The following FER1L6 variants were observed in gnomAD, a reference collection of about 807,000 sequenced individuals.
FER1L6 encodes fer-1 like family member 6.
FER1L6 carries 177 observed loss-of-function variants against 219.2 expected under a neutral mutation model. The observed-to-expected ratio is 0.81, with a 90% confidence interval of 0.71 to 0.91. FER1L6 has a LOEUF of 0.91. Ranked by LOEUF, FER1L6 falls within the 40% of genes least tolerant of loss-of-function variation. FER1L6 has a pLI of 0.00. For synonymous variants in FER1L6, 768 were observed against 824.3 expected (o/e 0.93, Z 1.17); for missense variants, 2,153 against 2,259.9 (o/e 0.95, Z 0.96).
chr8:124,071,470 C>T (rs972604556), intron 30 of FER1L6, 36 bp from the exon 31 acceptor site: 1 of 1,612,012 alleles, frequency 6.2e-7, no homozygotes, highest in Non-Finnish European at 8.5e-7. Context: ...GACATATGAC[C>T]ATCTCATTTC....
chr8:123,969,664 C>A (rs1815705781), intron 5 of FER1L6, among the ~76,000 whole-genome samples: 1 of 151,752 alleles, frequency 6.6e-6, no homozygotes, highest in South Asian at 2.1e-4. Context: ...CATTTGAGAC[C>A]AGCCTGGGCA....
chr8:124,101,760 G>C (rs1822557232), intron 38 of FER1L6, among the ~76,000 whole-genome samples: 1 of 152,218 alleles, frequency 6.6e-6, no homozygotes, highest in South Asian at 2.1e-4. Flanking sequence ...TCTCAATTTA[G>C]AAGTTTATTT....
intron 1 of FER1L6, among the ~76,000 whole-genome samples, chr8:123,950,800 G>A (rs778323068): frequency 3.3e-5 from 5 of 152,138 alleles, no homozygotes; most frequent in South Asian, 4.2e-4. Flanking sequence ...ACTGCCTCCC[G>A]TGAGACTGGG....
chr8:124,017,699 C>A lies in FER1L6; in HGVS notation c.1994C>A (p.Thr665Lys), dbSNP rs367553708. The stretch of plus-strand genomic sequence containing the variant: ...ACCACTTTAGATAAGAAGCGACTTA[C>A]GCTCTGCTGGCAGGAGCTGGTATGT... ...NQTTLDKKRLTLCWQELEAMC... is the reference protein window; with the variant it reads ...NQTTLDKKRLKLCWQELEAMC... Residue 665 changes from threonine to lysine, a missense_variant, in exon 16 of 41, where the codon ACG becomes AAG. Coordinates refer to ENST00000522917, the MANE Select transcript of FER1L6 (RefSeq NM_001039112.2). 3.1e-6 allele frequency: 5 copies of A among 1,613,338 alleles called. No homozygotes were observed. In the African/African-American group the frequency reaches 6.7e-5, roughly 22 times the overall value.
intron 22 of FER1L6, 78 bp downstream of exon 22, chr8:124,049,834 A>G: frequency 7.0e-7 from 1 of 1,432,784 alleles, no homozygotes; most frequent in Admixed American, 1.7e-5. Context: ...ATGCCACTTC[A>G]ATGAAGCTGT....
chr8:124,027,586 A>T (rs1326564944), intron 18 of FER1L6, among the ~76,000 whole-genome samples: 2 of 152,106 alleles, frequency 1.3e-5, no homozygotes, highest in African/African-American at 4.8e-5. Flanking sequence ...TAGAGACAGC[A>T]CCTTATTCTA....
At chr8:124,021,437 C>T in intron 16 of FER1L6, 113 bp from the exon 17 acceptor site, 3 of 1,437,450 alleles carry the variant, frequency 2.1e-6, no homozygotes, top group Non-Finnish European at 1.9e-6. Context: ...GAACAGTCCA[C>T]GTGAGTGACT....
At chr8:124,010,500 T>G (rs1817872492) in intron 13 of FER1L6, 94 bp from the exon 14 acceptor site, 5 of 1,467,144 alleles carry the variant, frequency 3.4e-6, no homozygotes, top group Non-Finnish European at 4.6e-6. Flanking sequence ...GCCTCCCGAG[T>G]CCTGCCCAGA....
At chr8:123,938,530 AT>A (rs1814093098) in intron 1 of FER1L6, among the ~76,000 whole-genome samples, 1 of 144,352 alleles carries the variant, frequency 6.9e-6, no homozygotes, top group Non-Finnish European at 1.5e-5. Context: ...AGCTTATACA[AT>A]TTACCTGAAA....
chr8:123,859,718 A>C (rs1586424392), intron 1 of FER1L6, among the ~76,000 whole-genome samples: 2 of 112,834 alleles, frequency 1.8e-5, no homozygotes, highest in East Asian at 2.6e-4. Flanking sequence ...CCACCCCACA[A>C]CAGTCCCCAG....
chr8:123,966,268 C>G lies in FER1L6; in HGVS notation c.362C>G (p.Thr121Ser). ...EKKQSTVKEG[T>S]NSPFYNEYFV... Reference sequence around the variant, plus strand: ...AAGCAAAGCACAGTGAAGGAAGGAACCAACAGCCCATTTTATAATGAAGTA... The same window carrying G: ...AAGCAAAGCACAGTGAAGGAAGGAAGCAACAGCCCATTTTATAATGAAGTA... Residue 121 changes from threonine (T) to serine (S), a missense_variant, in exon 5 of 41, where the codon ACC becomes AGC. Transcript: ENST00000522917. The G allele has an allele frequency of 6.2e-7, 1 of 1,614,100 alleles. No homozygotes were observed. The highest frequency in any genetic ancestry group is 8.5e-7 in the Non-Finnish European group (1 of 1,180,002).
Position 124,003,025 on chromosome 8 carries a change from G to A in FER1L6, c.1520-142G>A, listed in dbSNP as rs890029191. ...CTCATCATCATTGTCAGTCTTGTTG[G>A]TCTGATCATTGCTCTTTCTACCTTC... On this transcript the variant is annotated intron_variant, in intron 12 of 40. Coordinates refer to ENST00000522917, the MANE Select transcript of FER1L6 (RefSeq NM_001039112.2). 1.5e-5 allele frequency: 10 copies of A among 652,662 alleles called. No individual in the cohort carries two copies. The South Asian group carries it at 2.3e-4, about 15-fold the overall frequency. The allele number at this position is 652,662 out of a possible 1,614,324, so 40.4% of individuals were successfully genotyped here.
At chr8:124,066,833 C>T (rs1044340111) in intron 27 of FER1L6, among the ~76,000 whole-genome samples, 1 of 152,124 alleles carries the variant, frequency 6.6e-6, no homozygotes, top group African/African-American at 2.4e-5. Context: ...TCTGCCCCCA[C>T]AGCCAGACTC....
At chr8:123,886,000 T>C (rs546796502) in intron 1 of FER1L6, among the ~76,000 whole-genome samples, 1 of 152,362 alleles carries the variant, frequency 6.6e-6, no homozygotes, top group Non-Finnish European at 1.5e-5. Context: ...GGCTCTTACA[T>C]ACTTCTTCAC....
At chr8:124,102,618 C>A (rs994422650) in intron 38 of FER1L6, among the ~76,000 whole-genome samples, 2 of 152,210 alleles carry the variant, frequency 1.3e-5, no homozygotes, top group African/African-American at 4.8e-5. Flanking sequence ...CAATCTCTTA[C>A]TCTGCCTTGT....
In FER1L6 at chr8:123,852,030, T is replaced by A. The variant is rs906154502; in HGVS notation, c.-163T>A. 1 of 152,214 alleles carries A rather than the reference T, an allele frequency of 6.6e-6. No homozygotes were observed. The highest frequency in any genetic ancestry group is 1.5e-5 in the Non-Finnish European group (1 of 68,032). 9.4% of individuals were successfully genotyped at this position (152,214 alleles called of 1,614,324 possible). A position where few individuals can be genotyped will look rare whatever the true frequency, so the allele number is the denominator to read the frequency against. On this transcript the variant is annotated 5_prime_UTR_variant, in exon 1 of 41. Transcript: ENST00000522917. This position sits in a 1 kb window ranked among gnomAD's most constrained non-coding sequence, Gnocchi z 4.9. ...CTGACTTCAAAAGGCCATTCCACCATTCCGTCAAGCCAGCTGCTTTAGAAC... is the reference window on the plus strand; with the variant it reads ...CTGACTTCAAAAGGCCATTCCACCAATCCGTCAAGCCAGCTGCTTTAGAAC...
At chr8:124,104,390 C>A (rs1229685205) in intron 39 of FER1L6, among the ~76,000 whole-genome samples, 1 of 152,194 alleles carries the variant, frequency 6.6e-6, no homozygotes, top group Non-Finnish European at 1.5e-5. Context: ...AACATCCAAT[C>A]ATGCGTGGAA....
intron 32 of FER1L6, among the ~76,000 whole-genome samples, chr8:124,081,764 A>G (rs1287059206): frequency 6.6e-6 from 1 of 152,196 alleles, no homozygotes; most frequent in Non-Finnish European, 1.5e-5. Flanking sequence ...TTGATAAAGC[A>G]ACAATGGAGG....
Position 124,071,631 on chromosome 8 carries a change from G to A in FER1L6, c.4092G>A (p.Ala1364=), listed in dbSNP as rs567443286. 8.8e-5 allele frequency: 142 copies of A among 1,611,750 alleles called. No individual in the cohort carries two copies. The highest frequency in any genetic ancestry group is 1.1e-4 in the Non-Finnish European group (132 of 1,178,218). ...VTVLIRVYIV[A]AFNLSPADPD... is the part of the protein sequence containing the mutation. ...TGCTGATCAGAGTATACATTGTCGC[G>A]GTGAGCCATTCTTGTTTGCTCTGAG... is the stretch of plus-strand genomic sequence containing the variant. Residue 1364 remains alanine (A), a splice_region_variant and synonymous_variant, in exon 31 of 41, where the codon GCG becomes GCA. Coordinates refer to ENST00000522917, the MANE Select transcript of FER1L6 (RefSeq NM_001039112.2).
Sources: gnomAD v4.1 joint callset for allele counts (sites outside exome capture counted in the v4.1 genomes callset) on GRCh38, gnomAD v4.1.1 for gene constraint, Gnocchi (gnomAD v3.1) non-coding constraint, MANE v1.5 for transcripts, NCBI Gene and HGNC (gene_info 2026-07-23, HGNC 2026-07-21) for gene names.